Variants in MSI2 observed in about 807,000 individuals in gnomAD.
MSI2 encodes the protein RNA-binding protein Musashi homolog 2.
A neutral mutation model predicts 45.6 loss-of-function variants in MSI2; 17 were observed. The observed-to-expected ratio is 0.37, with a 90% confidence interval of 0.26 to 0.56. The LOEUF (loss-of-function observed/expected upper bound fraction) is 0.56, where lower values mean the gene tolerates loss of function less well. Ranked by LOEUF, MSI2 falls within the 20% of genes least tolerant of loss-of-function variation. The pLI is 0.77. For synonymous variants in MSI2, 156 were observed against 158.2 expected, an observed-to-expected ratio of 0.99 and a Z score of 0.11; for missense variants, 293 against 444.2, an observed-to-expected ratio of 0.66 and a Z score of 3.06.
intron 5 of MSI2, among the ~76,000 whole-genome samples, chr17:57,356,402 A>G (rs959868153): frequency 6.6e-6 from 1 of 152,182 alleles, no homozygotes; most frequent in Non-Finnish European, 1.5e-5. Flanking sequence ...CCAGACTAAG[A>G]CAAGTTGTGT....
intron 6 of MSI2, among the ~76,000 whole-genome samples, chr17:57,434,291 G>A (rs2084652233): frequency 6.6e-6 from 1 of 152,106 alleles, no homozygotes; most frequent in Non-Finnish European, 1.5e-5. Flanking sequence ...GTAGAGACAG[G>A]GTTTCACCGT....
chr17:57,632,451 G>A, intron 10 of MSI2: 2 of 1,066,138 alleles, frequency 1.9e-6, no homozygotes, highest in Admixed American at 5.3e-5. Context: ...AGGGACAGTG[G>A]AGTCATCCAG....
chr17:57,437,270 T>C (rs891217897), intron 6 of MSI2, among the ~76,000 whole-genome samples: 1 of 152,208 alleles, frequency 6.6e-6, no homozygotes, highest in Non-Finnish European at 1.5e-5. Flanking sequence ...GTAAGACACC[T>C]CCAATCCCTT....
intron 5 of MSI2, among the ~76,000 whole-genome samples, chr17:57,284,223 G>A (rs4341799): frequency 0.54 from 81,541 of 151,818 alleles, 24,434 homozygotes; most frequent in Middle Eastern, 0.69. Context: ...CCCTCCACCC[G>A]GTCATGGTAG....
chr17:57,675,985 TG>T (rs148975054), intron 12 of MSI2, among the ~76,000 whole-genome samples: 2,642 of 152,318 alleles, frequency 0.017, 38 homozygotes, highest in Non-Finnish European at 0.028. Flanking sequence ...AACAGAAAAT[TG>T]GCCAACCTTT....
At chr17:57,319,914 G>A (rs764315373) in intron 5 of MSI2, among the ~76,000 whole-genome samples, 14 of 152,240 alleles carry the variant, frequency 9.2e-5, no homozygotes, top group South Asian at 2.1e-4. Flanking sequence ...GTGCCCAGCC[G>A]AGTAGGGGTT....
intron 6 of MSI2, among the ~76,000 whole-genome samples, chr17:57,451,829 A>G (rs1198262034): frequency 1.3e-5 from 2 of 152,074 alleles, no homozygotes; most frequent in East Asian, 1.9e-4. Flanking sequence ...ACTCTTCACA[A>G]CTGCTGCCCA....
At chr17:57,455,398 TTC>T (rs2085093885) in intron 6 of MSI2, among the ~76,000 whole-genome samples, 1 of 152,176 alleles carries the variant, frequency 6.6e-6, no homozygotes, top group African/African-American at 2.4e-5. Flanking sequence ...TAGCATGTTT[TTC>T]TCTCTTTTGC....
At chr17:57,413,220 A>G (rs962821870) in intron 6 of MSI2, among the ~76,000 whole-genome samples, 1 of 151,948 alleles carries the variant, frequency 6.6e-6, no homozygotes, top group African/African-American at 2.4e-5. Flanking sequence ...TTTTCCATCT[A>G]TCCTGTGGGG....
At chr17:57,401,340 C>A in intron 5 of MSI2, 39 bp from the exon 6 acceptor site, 1 of 1,546,910 alleles carries the variant, frequency 6.5e-7, no homozygotes, top group South Asian at 1.1e-5. Flanking sequence ...CTTTAGATAA[C>A]CTGGTTAACC....
chr17:57,269,260 T>A (rs1908124794), intron 5 of MSI2, among the ~76,000 whole-genome samples: 3 of 152,142 alleles, frequency 2.0e-5, no homozygotes, highest in Non-Finnish European at 1.5e-5. Flanking sequence ...GGAGCCAGTT[T>A]GTAGAAGGCC....
intron 3 of MSI2, 129 bp from the exon 4 acceptor site, chr17:57,258,141 G>A: frequency 1.4e-6 from 1 of 699,838 alleles, no homozygotes; most frequent in Non-Finnish European, 2.6e-6. Flanking sequence ...AATTGGAGGA[G>A]GGGAGTGGGA....
chr17:57,655,690 G>A (rs971159666), intron 11 of MSI2, among the ~76,000 whole-genome samples: 2 of 152,052 alleles, frequency 1.3e-5, no homozygotes, highest in Non-Finnish European at 2.9e-5. Context: ...CCTCTCTTAC[G>A]CTAGGATCTG....
Position 57,529,796 on chromosome 17 carries a change from A to G in MSI2, c.454+72A>G. The G allele has an allele frequency of 7.7e-7, 1 of 1,295,138 alleles. No homozygotes were observed. The highest frequency in any genetic ancestry group is 2.3e-5 in the East Asian group (1 of 42,698). 80.2% of individuals were successfully genotyped at this position (1,295,138 alleles called of 1,614,324 possible). On this transcript the variant is annotated intron_variant, in intron 7 of 13. Coordinates refer to ENST00000284073, the MANE Select transcript of MSI2 (RefSeq NM_138962.4). This position sits in a 1 kb window ranked among gnomAD's most constrained non-coding sequence, Gnocchi z 5.3. ...CTCTCTGTCTGTCATCCCCAGTCCC[A>G]CTGACAAAAGATACAGTGAAGAGTC... is the stretch of plus-strand genomic sequence containing the variant.
intron 8 of MSI2, among the ~76,000 whole-genome samples, chr17:57,597,916 T>G (rs150355268): frequency 6.6e-6 from 1 of 152,350 alleles, no homozygotes; most frequent in East Asian, 1.9e-4. Context: ...CTCTTTAAAG[T>G]TCCTTTTTCT....
intron 10 of MSI2, chr17:57,631,836 T>A (rs754386314): frequency 1.2e-6 from 2 of 1,613,526 alleles, no homozygotes; most frequent in Non-Finnish European, 1.7e-6. Flanking sequence ...AACTAGCTCT[T>A]AAGAGAGGCA....
chr17:57,376,622 A>G (rs1381799446), intron 5 of MSI2, among the ~76,000 whole-genome samples: 1 of 152,222 alleles, frequency 6.6e-6, no homozygotes. Context: ...GGTAGACAGC[A>G]GAAATAAAAA....
At chr17:57,306,934 G>A (rs116937461) in intron 5 of MSI2, among the ~76,000 whole-genome samples, 119 of 152,298 alleles carry the variant, frequency 7.8e-4, no homozygotes, top group Non-Finnish European at 1.4e-3. Flanking sequence ...GATGGGCTAA[G>A]TAATTATTTG....
chr17:57,638,498 G>A (rs957639400), intron 10 of MSI2, among the ~76,000 whole-genome samples: 1 of 152,214 alleles, frequency 6.6e-6, no homozygotes, highest in Non-Finnish European at 1.5e-5. Flanking sequence ...AGGGTACAGA[G>A]GGAGCCGTTG....
Sources: gnomAD v4.1 joint callset for allele counts (sites outside exome capture counted in the v4.1 genomes callset) on GRCh38, gnomAD v4.1.1 for gene constraint, Gnocchi (gnomAD v3.1) non-coding constraint, MANE v1.5 for transcripts, NCBI Gene and HGNC (gene_info 2026-07-23, HGNC 2026-07-21) for gene names.